The following SLC35D1 variants were observed in gnomAD, a reference collection of about 807,000 sequenced individuals.
SLC35D1 encodes nucleotide sugar transporter SLC35D1.
SLC35D1 carries 31 observed loss-of-function variants against 46.7 expected under a neutral mutation model. The ratio of observed to expected loss-of-function variants is 0.66; its 90% CI spans 0.50 to 0.90. SLC35D1 has a LOEUF of 0.90. Among genes scored for constraint, SLC35D1 ranks in the 40% least tolerant of loss-of-function variants. SLC35D1 has a pLI of 0.00. For synonymous variants in SLC35D1, 195 were observed against 164.6 expected (o/e 1.18, Z -1.41); for missense variants, 397 against 426.2 (o/e 0.93, Z 0.60).
intron 11 of SLC35D1, chr1:67,008,339 A>G (rs964202623): frequency 1.0e-6 from 1 of 987,120 alleles, no homozygotes; most frequent in South Asian, 1.4e-5. Flanking sequence ...GGGTATCACC[A>G]TGTTGGCCAG....
intron 8 of SLC35D1, among the ~76,000 whole-genome samples, chr1:67,041,819 C>T (rs562583307): frequency 5.5e-4 from 83 of 152,224 alleles, no homozygotes; most frequent in Admixed American, 1.0e-3. Context: ...AGGATGACAA[C>T]TGTACACTAA....
At chr1:67,046,323 T>C (rs1191568383) in intron 7 of SLC35D1, among the ~76,000 whole-genome samples, 1 of 152,208 alleles carries the variant, frequency 6.6e-6, no homozygotes, top group African/African-American at 2.4e-5. Context: ...ATTTATTTAT[T>C]ATCTAAGCTC....
the SLC35D1 span, chr1:66,976,637 A>C: frequency 6.2e-7 from 1 of 1,607,542 alleles, no homozygotes; most frequent in Admixed American, 1.7e-5. Flanking sequence ...ATTCTATTAC[A>C]TGTGGAAAAA....
downstream of SLC35D1, among the ~76,000 whole-genome samples, chr1:66,998,570 C>A (rs750151175): frequency 3.9e-5 from 6 of 152,028 alleles, no homozygotes; most frequent in Non-Finnish European, 8.8e-5. Context: ...TTCACAATAG[C>A]CAAGAGGTAG....
intron 8 of SLC35D1, 122 bp from the exon 9 acceptor site, chr1:67,021,724 GACACACACACACAC>G (rs35069681): frequency 4.7e-6 from 2 of 422,666 alleles, no homozygotes; most frequent in African/African-American, 3.2e-5. Context: ...CACAGACACA[GACACACACACACAC>G]ACACACACAC....
chr1:67,053,437 G>A (rs1279255907), intron 1 of SLC35D1, among the ~76,000 whole-genome samples: 3 of 152,172 alleles, frequency 2.0e-5, no homozygotes, highest in Non-Finnish European at 2.9e-5. Flanking sequence ...TCCAGGCTGC[G>A]GAGGAGGGAG....
At chr1:66,989,049 A>G in the SLC35D1 span, among the ~76,000 whole-genome samples, 2 of 152,238 alleles carry the variant, frequency 1.3e-5, no homozygotes, top group African/African-American at 4.8e-5. Context: ...TTTGCTGGAA[A>G]TTAACCAACA....
intron 8 of SLC35D1, among the ~76,000 whole-genome samples, chr1:67,041,910 G>A (rs544913393): frequency 2.6e-5 from 4 of 152,278 alleles, no homozygotes; most frequent in South Asian, 2.1e-4. Flanking sequence ...GTTTCTCAAG[G>A]ATAGTTTACT....
intron 8 of SLC35D1, among the ~76,000 whole-genome samples, chr1:67,030,865 G>T (rs567060814): frequency 4.8e-4 from 73 of 152,244 alleles, no homozygotes; most frequent in African/African-American, 1.7e-3. Context: ...AGTGCCTTAT[G>T]GTTTACCAAG....
At chr1:66,978,314 C>G in the SLC35D1 span, among the ~76,000 whole-genome samples, 1 of 152,160 alleles carries the variant, frequency 6.6e-6, no homozygotes, top group East Asian at 1.9e-4. Flanking sequence ...TGGTCACTTC[C>G]TTAGAAGGTC....
chr1:67,048,881 T>C (rs1209099007), intron 6 of SLC35D1, among the ~76,000 whole-genome samples: 1 of 152,236 alleles, frequency 6.6e-6, no homozygotes, highest in African/African-American at 2.4e-5. Flanking sequence ...ACATATCTTA[T>C]GTGAGGCCAA....
Position 67,054,101 on chromosome 1 carries a change from G to A in SLC35D1, c.-88C>T, listed in dbSNP as rs1570650997. On this transcript the variant is annotated 5_prime_UTR_variant, in exon 1 of 12. Transcript: ENST00000235345. ...CTCCCAGGGGACTCCAGGAGTTGGG[G>A]ACCGCAGACTAGGCCAGCTGCGCGC... The A allele has an allele frequency of 7.3e-7, 1 of 1,372,462 alleles. No individual in the cohort carries two copies. Among genetic ancestry groups the A allele is most frequent in the African/African-American group, 1.4e-5 (1 of 69,126 alleles). 85.0% of individuals were successfully genotyped at this position (1,372,462 alleles called of 1,614,324 possible).
At chr1:67,053,237 C>A (rs1220165946) in intron 1 of SLC35D1, among the ~76,000 whole-genome samples, 1 of 151,148 alleles carries the variant, frequency 6.6e-6, no homozygotes, top group African/African-American at 2.4e-5. Flanking sequence ...CCGCTGCCTG[C>A]AAAGGATTTC....
chr1:67,011,744 G>A (rs1205101918), intron 10 of SLC35D1, among the ~76,000 whole-genome samples: 6 of 152,138 alleles, frequency 3.9e-5, no homozygotes, highest in Admixed American at 6.5e-5. Flanking sequence ...TCAGCCTCCC[G>A]AAGTGTTGGG....
At chr1:66,995,446 A>G (rs983638810), downstream of SLC35D1, among the ~76,000 whole-genome samples, 24 of 15,742 alleles carry the variant, frequency 1.5e-3, no homozygotes, top group African/African-American at 0.018. Flanking sequence ...AAAAAAAAAA[A>G]AAAAAAAAAA....
chr1:67,016,434 TCCGA>T (rs1172140661), intron 10 of SLC35D1, among the ~76,000 whole-genome samples: 1 of 152,064 alleles, frequency 6.6e-6, no homozygotes, highest in Non-Finnish European at 1.5e-5. Flanking sequence ...ACTTTATTGA[TCCGA>T]CCATTAGACT....
chr1:66,982,033 G>A, the SLC35D1 span: 7 of 990,290 alleles, frequency 7.1e-6, no homozygotes, highest in Non-Finnish European at 1.1e-5. Context: ...AGTAAAAAAT[G>A]ATAACACATG....
chr1:67,012,647 A>G (rs1008321623), intron 10 of SLC35D1, among the ~76,000 whole-genome samples: 34 of 151,594 alleles, frequency 2.2e-4, no homozygotes, highest in African/African-American at 8.0e-4. Context: ...TGTCATGGTT[A>G]GTCTTACAAA....
chr1:66,980,143 C>T, the SLC35D1 span, among the ~76,000 whole-genome samples: 17 of 152,226 alleles, frequency 1.1e-4, no homozygotes, highest in Non-Finnish European at 2.2e-4. Context: ...CATCATGTGT[C>T]TTCTGTTAGC....
Sources: gnomAD v4.1 joint callset for allele counts (sites outside exome capture counted in the v4.1 genomes callset) on GRCh38, gnomAD v4.1.1 for gene constraint, MANE v1.5 for transcripts, NCBI Gene and HGNC (gene_info 2026-07-23, HGNC 2026-07-21) for gene names.